Variants in TRPM3 observed in about 807,000 individuals in gnomAD.
TRPM3 encodes long transient receptor potential channel 3.
Under a neutral mutation model 181.2 loss-of-function variants are expected in TRPM3, and 77 were observed. That is an observed-to-expected ratio of 0.42 (90% CI 0.35 to 0.51). The LOEUF (loss-of-function observed/expected upper bound fraction) is 0.51, where lower values mean the gene tolerates loss of function less well. Ranked by LOEUF, TRPM3 falls within the 20% of genes least tolerant of loss-of-function variation. The pLI is 0.01. For synonymous variants in TRPM3, 745 were observed against 796.4 expected, an observed-to-expected ratio of 0.94 and a Z score of 1.09; for missense variants, 1,759 against 2,196.7, an observed-to-expected ratio of 0.80 and a Z score of 3.98.
intron 3 of TRPM3, among the ~76,000 whole-genome samples, chr9:70,853,943 G>A (rs1174163493): frequency 6.6e-6 from 1 of 152,178 alleles, no homozygotes; most frequent in Non-Finnish European, 1.5e-5. Flanking sequence ...GAGATTATCT[G>A]AGGATTTTCA....
At chr9:71,114,292 G>A (rs572953212) in intron 1 of TRPM3, among the ~76,000 whole-genome samples, 5 of 152,174 alleles carry the variant, frequency 3.3e-5, no homozygotes, top group South Asian at 2.1e-4. Context: ...TCTGAATTCC[G>A]AAAGGCTATT....
intron 1 of TRPM3, among the ~76,000 whole-genome samples, chr9:71,028,218 C>T (rs1038032066): frequency 6.6e-6 from 1 of 152,010 alleles, no homozygotes; most frequent in African/African-American, 2.4e-5. Context: ...CCAAAGTAAG[C>T]TTTATAAGTG....
chr9:70,766,014 T>C (rs2079046541), intron 7 of TRPM3, among the ~76,000 whole-genome samples: 1 of 152,220 alleles, frequency 6.6e-6, no homozygotes, highest in Non-Finnish European at 1.5e-5. Context: ...TGTTAATTTG[T>C]GGCTTTGTAT....
At chr9:71,006,850 G>A (rs1370960918) in intron 1 of TRPM3, among the ~76,000 whole-genome samples, 5 of 125,180 alleles carry the variant, frequency 4.0e-5, no homozygotes, top group African/African-American at 1.6e-4. Context: ...CAGCCTGGGC[G>A]ACAGAGCGAG....
intron 1 of TRPM3, among the ~76,000 whole-genome samples, chr9:71,090,030 C>A (rs2065935774): frequency 6.6e-6 from 1 of 152,170 alleles, no homozygotes; most frequent in African/African-American, 2.4e-5. Flanking sequence ...ACATTCAAAG[C>A]CATCCTGGAC....
chr9:70,806,221 C>T (rs1343284079), intron 6 of TRPM3, among the ~76,000 whole-genome samples: 2 of 152,088 alleles, frequency 1.3e-5, no homozygotes, highest in Non-Finnish European at 2.9e-5. Flanking sequence ...TGGCCTCCAA[C>T]ACAGAAGGAG....
intron 1 of TRPM3, among the ~76,000 whole-genome samples, chr9:70,921,637 G>C (rs2096654152): frequency 6.6e-6 from 1 of 152,178 alleles, no homozygotes; most frequent in Non-Finnish European, 1.5e-5. Context: ...GTGTCTCTAG[G>C]AGGGAAGGTT....
intron 22 of TRPM3, among the ~76,000 whole-genome samples, chr9:70,585,353 G>T (rs1480887060): frequency 6.6e-6 from 1 of 151,936 alleles, no homozygotes; most frequent in Non-Finnish European, 1.5e-5. Flanking sequence ...TGTGCCCGCT[G>T]GTAAGCTCAC....
At chr9:71,418,662 A>G (rs570708989) in intron 1 of TRPM3, among the ~76,000 whole-genome samples, 3 of 151,434 alleles carry the variant, frequency 2.0e-5, no homozygotes, top group Non-Finnish European at 3.0e-5. Context: ...AAATATCTCA[A>G]TCTATGAAAC....
chr9:70,614,627 G>A (rs2062500673), intron 18 of TRPM3, among the ~76,000 whole-genome samples: 1 of 152,188 alleles, frequency 6.6e-6, no homozygotes, highest in South Asian at 2.1e-4. Flanking sequence ...CAGTGTGCCA[G>A]TCTCCAATAT....
chr9:71,375,415 A>C (rs1439819276), intron 1 of TRPM3, among the ~76,000 whole-genome samples: 1 of 152,212 alleles, frequency 6.6e-6, no homozygotes, highest in Non-Finnish European at 1.5e-5. Context: ...CAAAACTGTA[A>C]AAACCCTAGA....
intron 1 of TRPM3, among the ~76,000 whole-genome samples, chr9:70,947,754 G>T (rs1274007396): frequency 6.6e-6 from 1 of 152,060 alleles, no homozygotes; most frequent in Non-Finnish European, 1.5e-5. Flanking sequence ...TGTGGGTGGG[G>T]GAAAGAAGGT....
At chr9:71,389,822 C>T (rs538545049) in intron 1 of TRPM3, among the ~76,000 whole-genome samples, 8 of 151,956 alleles carry the variant, frequency 5.3e-5, no homozygotes, top group East Asian at 1.9e-4. Context: ...AAGGATTCTG[C>T]GGAGTTGAGG....
chr9:71,008,031 A>G (rs933665654), intron 1 of TRPM3, among the ~76,000 whole-genome samples: 2 of 152,084 alleles, frequency 1.3e-5, no homozygotes, highest in African/African-American at 4.8e-5. Context: ...AAATTTAGTT[A>G]TACTAAGAAA....
At chr9:70,791,751 G>A (rs968061842) in intron 6 of TRPM3, among the ~76,000 whole-genome samples, 8 of 152,220 alleles carry the variant, frequency 5.3e-5, no homozygotes, top group African/African-American at 1.7e-4. Flanking sequence ...AAAACTGATG[G>A]TGCATAGTGT....
Position 70,860,090 on chromosome 9 carries a change from T to C in TRPM3, c.462+2818A>G, listed in dbSNP as rs532628068. On this transcript the variant is annotated intron_variant, in intron 3 of 25. Transcript: ENST00000677713. ...AAGGAAGCTGTTTCACTACTCTGTC[T>C]TTGTTACTTTTATAAGTAGCTATTA... is the stretch of plus-strand genomic sequence containing the variant. Among the ~76,000 whole-genome samples the C allele has an allele frequency of 2.0e-5, 3 of 152,340 alleles. No individual in the cohort carries two copies. In the East Asian group the frequency reaches 5.8e-4, roughly 29 times the overall value.
chr9:70,642,253 A>G (rs181714603), intron 9 of TRPM3, among the ~76,000 whole-genome samples: 2 of 152,284 alleles, frequency 1.3e-5, no homozygotes, highest in East Asian at 3.9e-4. Flanking sequence ...ATATGAGACT[A>G]CTGAGATCCA....
At chr9:70,699,129 C>T (rs2071568904) in intron 8 of TRPM3, among the ~76,000 whole-genome samples, 1 of 152,168 alleles carries the variant, frequency 6.6e-6, no homozygotes. Flanking sequence ...TATTCAGCCT[C>T]TATCATTAGC....
chr9:70,594,983 A>T (rs2058755338), intron 21 of TRPM3, among the ~76,000 whole-genome samples: 1 of 152,224 alleles, frequency 6.6e-6, no homozygotes, highest in African/African-American at 2.4e-5. Flanking sequence ...AAAGAGAAGC[A>T]AAGTCCCCAA....
Sources: allele counts gnomAD v4.1 joint callset (sites outside exome capture counted in the v4.1 genomes callset), GRCh38; gene constraint gnomAD v4.1.1; transcripts MANE v1.5; gene names NCBI Gene and HGNC (gene_info 2026-07-23, HGNC 2026-07-21).